The following UHRF1 variants were observed in gnomAD, a reference collection of about 807,000 sequenced individuals.
UHRF1 encodes E3 ubiquitin-protein ligase UHRF1.
UHRF1 carries 9 observed loss-of-function variants against 96.5 expected under a neutral mutation model. The observed-to-expected ratio is 0.09, with a 90% CI of 0.06 to 0.16. The LOEUF (loss-of-function observed/expected upper bound fraction) is 0.16. Among genes scored for constraint, UHRF1 ranks in the 10% least tolerant of loss-of-function variants. The probability of loss-of-function intolerance (pLI) is 1.00; values close to 1 mark genes in which losing one functional copy is unlikely to be tolerated. For missense variants in UHRF1, 626 were observed against 1,131.1 expected (o/e 0.55, Z 6.40); for synonymous variants, 455 against 469.9 (o/e 0.97, Z 0.41).
chr19:4,932,638 T>A, intron 4 of UHRF1, 103 bp from the exon 5 acceptor site: 1 of 1,260,956 alleles, frequency 7.9e-7, no homozygotes, highest in South Asian at 1.3e-5. Flanking sequence ...GGGAGGGGCC[T>A]CTGCACACTG....
chr19:4,921,689 C>T (rs1329324434), intron 2 of UHRF1, among the ~76,000 whole-genome samples: 2 of 147,424 alleles, frequency 1.4e-5, no homozygotes, highest in East Asian at 2.1e-4. Context: ...CCCAGGAGGT[C>T]GAGGTTGCAG....
chr19:4,930,670 T>G lies in UHRF1; in HGVS notation c.409-46T>G. The G allele has an allele frequency of 6.3e-7, 1 of 1,595,070 alleles. No homozygotes were observed. On this transcript the variant is annotated intron_variant, in intron 3 of 16. Transcript: ENST00000650932. The surrounding 1 kb of genome is among the most constrained non-coding windows in gnomAD (Gnocchi z 4.4). ...GAGAACCAAGGTGGTCTCCCGTCAG[T>G]TTTCCTCACCCCGTTGGGATGCCAG...
At chr19:4,923,198 G>A (rs2032757529) in intron 2 of UHRF1, among the ~76,000 whole-genome samples, 1 of 152,136 alleles carries the variant, frequency 6.6e-6, no homozygotes. Flanking sequence ...TCCCCTCCTC[G>A]GTCTGTCTCC....
rs1318614080 is a variant in UHRF1 at position 4,911,050 on chromosome 19, GC to G, written c.153+14del. The G allele has an allele frequency of 6.4e-7, 1 of 1,570,210 alleles. No individual in the cohort carries two copies. Among genetic ancestry groups the G allele is most frequent in the East Asian group, 2.3e-5 (1 of 43,460 alleles). ...ACAGGGGCAAACAGGTACACCCGCC[GC>G]CAGCACCTTTGTTCTATGCCTGGTC... On this transcript the variant is annotated intron_variant, in intron 2 of 16. Transcript: ENST00000650932.
upstream of UHRF1, among the ~76,000 whole-genome samples, chr19:4,906,037 C>T (rs917448251): frequency 7.2e-5 from 11 of 152,136 alleles, no homozygotes; most frequent in Non-Finnish European, 1.3e-4. Flanking sequence ...AGTGCAGTGG[C>T]GCAAGCATGG....
At chr19:4,945,718 C>T (rs1309718285) in intron 9 of UHRF1, 143 bp from the exon 10 acceptor site, 21 of 643,238 alleles carry the variant, frequency 3.3e-5, no homozygotes, top group Middle Eastern at 8.2e-4. Context: ...GAGCAGCACA[C>T]GTAGTAGGTG....
At chr19:4,947,338 C>A in intron 11 of UHRF1, 127 bp downstream of exon 11, 1 of 829,410 alleles carries the variant, frequency 1.2e-6, no homozygotes, top group Non-Finnish European at 1.9e-6. Flanking sequence ...CGAAGCCTGG[C>A]ATTTGGTTCC....
chr19:4,933,450 G>C (rs373038340), intron 5 of UHRF1, among the ~76,000 whole-genome samples: 8 of 152,094 alleles, frequency 5.3e-5, no homozygotes, highest in Admixed American at 5.2e-4. Flanking sequence ...TCCTGACCTC[G>C]TGATCTGCCT....
At position 4,929,436 on chromosome 19, in the gene UHRF1, A is replaced by T; in HGVS notation, c.368A>T (p.Asp123Val). 1 of 1,613,534 alleles carries T rather than the reference A, an allele frequency of 6.2e-7. No individual in the cohort carries two copies. Among genetic ancestry groups the T allele is most frequent in the Non-Finnish European group, 8.5e-7 (1 of 1,179,804 alleles). ...GCCGAGACTGACAGCAGGCCAGCCGATGAGGACATGTGGGATGAGACGGAA... is the reference window on the plus strand; with the variant it reads ...GCCGAGACTGACAGCAGGCCAGCCGTTGAGGACATGTGGGATGAGACGGAA... ...AAAETDSRPADEDMWDETELG... is the reference protein window; with the variant it reads ...AAAETDSRPAVEDMWDETELG... Residue 123 changes from aspartate (D) to valine (V), a missense_variant, in exon 3 of 17, where the codon GAT becomes GTT. Around this residue, in one of 11 missense-constraint regions of UHRF1, gnomAD observed 22 missense variants for 16.4 expected, o/e 1.34. Coordinates refer to ENST00000650932, the MANE Select transcript of UHRF1 (RefSeq NM_001048201.3).
chr19:4,921,581 C>A (rs2032704969), intron 2 of UHRF1, among the ~76,000 whole-genome samples: 1 of 152,132 alleles, frequency 6.6e-6, no homozygotes, highest in African/African-American at 2.4e-5. Flanking sequence ...ATGGAGAAAC[C>A]CTGTCTGTAC....
intron 13 of UHRF1, among the ~76,000 whole-genome samples, chr19:4,953,663 G>A (rs2033778201): frequency 6.6e-6 from 1 of 151,996 alleles, no homozygotes; most frequent in Non-Finnish European, 1.5e-5. Flanking sequence ...AGGGGATCTT[G>A]CTATGTTGCC....
At position 4,954,968 on chromosome 19, in the gene UHRF1, C is replaced by G. The variant is rs563399735; in HGVS notation, c.2130+146C>G. On this transcript the variant is annotated intron_variant, in intron 15 of 16. Transcript: ENST00000650932. This position sits in a 1 kb window ranked among gnomAD's most constrained non-coding sequence, Gnocchi z 5.9. The stretch of plus-strand genomic sequence containing the variant: ...GTGGTTGTGCAACCATCACCACCAT[C>G]ACCACCTCCAGAACTTTATCCTCTC... The G allele has an allele frequency of 9.9e-6, 10 of 1,006,856 alleles. No individual in the cohort carries two copies. In the South Asian group the frequency reaches 1.6e-4, roughly 16 times the overall value. 62.4% of individuals were successfully genotyped at this position (1,006,856 alleles called of 1,614,324 possible).
At chr19:4,949,726 G>C (rs1003629441) in intron 11 of UHRF1, among the ~76,000 whole-genome samples, 1 of 152,080 alleles carries the variant, frequency 6.6e-6, no homozygotes, top group Admixed American at 6.6e-5. Flanking sequence ...TATAGTCCCA[G>C]CTTGGGAGCC....
At chr19:4,913,456 T>C (rs1292218169) in intron 2 of UHRF1, among the ~76,000 whole-genome samples, 1 of 152,080 alleles carries the variant, frequency 6.6e-6, no homozygotes, top group Non-Finnish European at 1.5e-5. Flanking sequence ...AGTTTCACCA[T>C]GTTGGCCAGG....
At chr19:4,927,658 C>G (rs918967667) in intron 2 of UHRF1, among the ~76,000 whole-genome samples, 2 of 152,184 alleles carry the variant, frequency 1.3e-5, no homozygotes, top group Admixed American at 1.3e-4. Flanking sequence ...CAGGGCATTT[C>G]TGCCTCTAGG....
At chr19:4,919,462 C>G (rs2032630809) in intron 2 of UHRF1, among the ~76,000 whole-genome samples, 1 of 151,906 alleles carries the variant, frequency 6.6e-6, no homozygotes, top group Non-Finnish European at 1.5e-5. Flanking sequence ...GCCACCTCGC[C>G]CAGCTAATTT....
Position 4,954,852 on chromosome 19 carries a change from G to A in UHRF1, c.2130+30G>A, listed in dbSNP as rs927236974. 28 of 1,608,364 alleles carry A rather than the reference G, an allele frequency of 1.7e-5. No individual in the cohort carries two copies. The highest frequency in any genetic ancestry group is 2.4e-5 in the Non-Finnish European group (28 of 1,177,104). ...GCTCGCACGGCTCACTCGTCGCCCTGATTTGCGTTGACTGCGGTAAAATGT... is the reference window on the plus strand; with the variant it reads ...GCTCGCACGGCTCACTCGTCGCCCTAATTTGCGTTGACTGCGGTAAAATGT... On this transcript the variant is annotated intron_variant, in intron 15 of 16. Transcript: ENST00000650932. The surrounding 1 kb of genome is among the most constrained non-coding windows in gnomAD (Gnocchi z 5.9).
intron 13 of UHRF1, among the ~76,000 whole-genome samples, chr19:4,953,822 G>C (rs1036058562): frequency 5.3e-5 from 8 of 152,132 alleles, no homozygotes; most frequent in African/African-American, 1.9e-4. Flanking sequence ...GAGGCAGGTG[G>C]ATCACTTGAG....
At chr19:4,935,900 C>G (rs1021153304) in intron 5 of UHRF1, among the ~76,000 whole-genome samples, 1 of 152,176 alleles carries the variant, frequency 6.6e-6, no homozygotes, top group African/African-American at 2.4e-5. Context: ...TACCCTGAGA[C>G]AGATAACCTG....
Sources: allele counts gnomAD v4.1 joint callset (sites outside exome capture counted in the v4.1 genomes callset), GRCh38; gene constraint gnomAD v4.1.1; regional missense constraint gnomAD v4.1.1; non-coding constraint Gnocchi (gnomAD v3.1); transcripts MANE v1.5; gene names NCBI Gene and HGNC (gene_info 2026-07-23, HGNC 2026-07-21).